TRIM3: variants seen among roughly 807,000 people sequenced by gnomAD.
TRIM3 encodes the protein tripartite motif-containing protein 3.
In TRIM3, 13 loss-of-function variants were observed where a neutral mutation model predicts 66.6. The observed-to-expected ratio is 0.20, with a 90% CI of 0.13 to 0.31. The LOEUF (loss-of-function observed/expected upper bound fraction) is 0.31, where lower values mean the gene tolerates loss of function less well. TRIM3 is among the 10% of genes least tolerant of loss of function. The probability of loss-of-function intolerance (pLI) is 1.00; values close to 1 mark genes in which losing one functional copy is unlikely to be tolerated. For synonymous variants in TRIM3, 406 were observed against 411.7 expected (o/e 0.99, Z 0.17); for missense variants, 711 against 1,020.4 (o/e 0.70, Z 4.13).
intron 2 of TRIM3, among the ~76,000 whole-genome samples, chr11:6,460,594 T>G: frequency 6.6e-6 from 1 of 150,980 alleles, no homozygotes; most frequent in East Asian, 2.0e-4. Flanking sequence ...CATAGGAGAG[T>G]GAAGGATGGA....
chr11:6,459,944 TA>T (rs1260801707), intron 2 of TRIM3, among the ~76,000 whole-genome samples: 1 of 152,074 alleles, frequency 6.6e-6, no homozygotes, highest in Non-Finnish European at 1.5e-5. Flanking sequence ...GAATGAAGGT[TA>T]GAGACAAGAG....
intron 7 of TRIM3, among the ~76,000 whole-genome samples, chr11:6,454,901 A>G (rs368527287): frequency 6.6e-6 from 1 of 152,174 alleles, no homozygotes; most frequent in African/African-American, 2.4e-5. Flanking sequence ...AGAAGTAAGG[A>G]TCTTCAGCGA....
chr11:6,454,921 C>A (rs1277665571), intron 7 of TRIM3, among the ~76,000 whole-genome samples: 1 of 152,090 alleles, frequency 6.6e-6, no homozygotes, highest in East Asian at 1.9e-4. Flanking sequence ...AAAAGTTTTG[C>A]TACCCAGTAA....
chr11:6,466,921 TTTA>T (rs1273377446), intron 1 of TRIM3, among the ~76,000 whole-genome samples: 1 of 152,166 alleles, frequency 6.6e-6, no homozygotes, highest in African/African-American at 2.4e-5. Context: ...GGATAGGCAT[TTTA>T]TTTATTTATT....
chr11:6,448,620 G>A lies in TRIM3; in HGVS notation c.*408C>T, dbSNP rs1849593992. 1 of 366,242 alleles carries A rather than the reference G, an allele frequency of 2.7e-6. No individual in the cohort carries two copies. The highest frequency in any genetic ancestry group is 5.0e-6 in the Non-Finnish European group (1 of 199,894). 22.7% of individuals were successfully genotyped at this position (366,242 alleles called of 1,614,324 possible). On this transcript the variant is annotated 3_prime_UTR_variant, in exon 12 of 12. Coordinates refer to ENST00000345851, the MANE Select transcript of TRIM3 (RefSeq NM_033278.4). The stretch of plus-strand genomic sequence containing the variant: ...AAGAACCCAGCAAAAACATCTTGGT[G>A]AAGACATTTATTTAATATGGGGGGT...
rs1415893877 is a variant in TRIM3, at chr11:6,448,955, C to G, written c.*73G>C. The stretch of plus-strand genomic sequence containing the variant: ...TTCAGTGCTGCCAGGTCTGGCCCAC[C>G]TCCCAGCCAGACCCTCTTGTCCAAT... On this transcript the variant is annotated 3_prime_UTR_variant, in exon 12 of 12. Transcript: ENST00000345851. 1 of 1,581,898 alleles carries G rather than the reference C, an allele frequency of 6.3e-7. No homozygotes were observed. The highest frequency in any genetic ancestry group is 8.7e-7 in the Non-Finnish European group (1 of 1,155,044).
rs1849643817 is a variant in TRIM3, at chr11:6,449,734, T to G, written c.1942-288A>C. The G allele has an allele frequency of 5.6e-6, 2 of 358,828 alleles. No individual in the cohort carries two copies. Among genetic ancestry groups the G allele is most frequent in the Non-Finnish European group, 1.0e-5 (2 of 196,834 alleles). 22.2% of individuals were successfully genotyped at this position (358,828 alleles called of 1,614,324 possible). ...CCACCCAGCTGGCCATGAGTCACTC[T>G]TGACTCCAATTTCTTCTCTGTTTGA... On this transcript the variant is annotated intron_variant, in intron 10 of 11. Transcript: ENST00000345851. The surrounding 1 kb of genome is among the most constrained non-coding windows in gnomAD (Gnocchi z 5.3).
intron 2 of TRIM3, among the ~76,000 whole-genome samples, chr11:6,463,910 A>C (rs533738325): frequency 6.9e-4 from 105 of 152,262 alleles, no homozygotes; most frequent in African/African-American, 2.4e-3. Context: ...TTGATAAAGG[A>C]GAGTGGGCAG....
chr11:6,460,003 G>A (rs1401032343), intron 2 of TRIM3, among the ~76,000 whole-genome samples: 1 of 152,180 alleles, frequency 6.6e-6, no homozygotes, highest in Non-Finnish European at 1.5e-5. Context: ...ACTGGGAGAG[G>A]ATGAGATCAG....
chr11:6,457,710 C>T lies in TRIM3; in HGVS notation c.501G>A (p.Glu167=). 1 of 1,613,178 alleles carries T rather than the reference C, an allele frequency of 6.2e-7. No individual in the cohort carries two copies. The highest frequency in any genetic ancestry group is 1.7e-5 in the Admixed American group (1 of 59,984). The part of the protein sequence containing the change: ...QHKAALQRQL[E]AVRGRLPQLS... ...CCAGTGCCTACCGGCCACGCACAGC[C>T]TCGAGCTGGCGCTGCAGGGCCGCCT... Residue 167 remains glutamate (E), a synonymous_variant, in exon 4 of 12, where the codon GAG becomes GAA. Coordinates refer to ENST00000345851, the MANE Select transcript of TRIM3 (RefSeq NM_033278.4). The surrounding 1 kb of genome is among the most constrained non-coding windows in gnomAD (Gnocchi z 4.5).
At chr11:6,463,896 C>A (rs1211045975) in intron 2 of TRIM3, among the ~76,000 whole-genome samples, 1 of 152,136 alleles carries the variant, frequency 6.6e-6, no homozygotes, top group African/African-American at 2.4e-5. Context: ...GAGGCCATTT[C>A]CAGTTGATAA....
At chr11:6,468,389 G>C (rs1385274322) in intron 1 of TRIM3, among the ~76,000 whole-genome samples, 2 of 152,140 alleles carry the variant, frequency 1.3e-5, no homozygotes, top group Non-Finnish European at 2.9e-5. Context: ...ATTGATTTGG[G>C]ATCACTAGCA....
Position 6,448,923 on chromosome 11 carries a change from G to T in TRIM3, c.*105C>A. The T allele has an allele frequency of 6.9e-7, 1 of 1,457,052 alleles. No homozygotes were observed. Among genetic ancestry groups the T allele is most frequent in the Non-Finnish European group, 9.5e-7 (1 of 1,050,144 alleles). The allele number at this position is 1,457,052 out of a possible 1,614,324, so 90.3% of individuals were successfully genotyped here. On this transcript the variant is annotated 3_prime_UTR_variant, in exon 12 of 12. Transcript: ENST00000345851. ...GGCACCGGGTGCACCCATGCCCACA[G>T]CCCACATTCAGTGCTGCCAGGTCTG...
rs369751213 is a variant in TRIM3, at chr11:6,448,641, G to T, written c.*387C>A. On this transcript the variant is annotated 3_prime_UTR_variant, in exon 12 of 12. Transcript: ENST00000345851. Reference sequence around the variant, plus strand: ...TGGTGAAGACATTTATTTAATATGGGGGGTGGGGTATTGCTGTCTCTGTCA... The same window carrying T: ...TGGTGAAGACATTTATTTAATATGGTGGGTGGGGTATTGCTGTCTCTGTCA... The T allele has an allele frequency of 2.3e-6, 1 of 435,128 alleles. No individual in the cohort carries two copies. Among genetic ancestry groups the T allele is most frequent in the African/African-American group, 2.0e-5 (1 of 50,628 alleles). The allele number at this position is 435,128 out of a possible 1,614,324, so 27.0% of individuals were successfully genotyped here. A position where few individuals can be genotyped will look rare whatever the true frequency, so the allele number is the denominator to read the frequency against.
In TRIM3 at chr11:6,458,001, C is replaced by A; in HGVS notation, c.363+64G>T. 6.5e-7 allele frequency: 1 copy of A among 1,547,642 alleles called. No individual in the cohort carries two copies. The highest frequency in any genetic ancestry group is 8.7e-7 in the Non-Finnish European group (1 of 1,143,498). On this transcript the variant is annotated intron_variant, in intron 3 of 11. Transcript: ENST00000345851. The surrounding 1 kb of genome is among the most constrained non-coding windows in gnomAD (Gnocchi z 6.2). ...CCTGTCACCCAGCCACTCGGCACCC[C>A]CCAATGCCTCTCCTCCTCCTCCCAC... is the stretch of plus-strand genomic sequence containing the variant.
chr11:6,450,828 G>A lies in TRIM3; in HGVS notation c.1870+64C>T. On this transcript the variant is annotated intron_variant, in intron 9 of 11. Transcript: ENST00000345851. The surrounding 1 kb of genome is among the most constrained non-coding windows in gnomAD (Gnocchi z 4.8). ...AGGAGGAGAGGGCCTTTACAGCTGGGGTATCTAGGGGAGTTCTCTGGAACA... is the reference window on the plus strand; with the variant it reads ...AGGAGGAGAGGGCCTTTACAGCTGGAGTATCTAGGGGAGTTCTCTGGAACA... 1 of 1,590,808 alleles carries A rather than the reference G, an allele frequency of 6.3e-7. No homozygotes were observed. The highest frequency in any genetic ancestry group is 1.7e-5 in the Admixed American group (1 of 59,222).
intron 2 of TRIM3, among the ~76,000 whole-genome samples, chr11:6,459,934 G>A (rs1850151726): frequency 6.6e-6 from 1 of 152,216 alleles, no homozygotes; most frequent in South Asian, 2.1e-4. Flanking sequence ...GTAGACAGGA[G>A]AATGAAGGTT....
In TRIM3 at chr11:6,449,491, G is replaced by A. The variant is rs752774607; in HGVS notation, c.1942-45C>T. The A allele has an allele frequency of 1.3e-6, 2 of 1,588,114 alleles. No individual in the cohort carries two copies. The highest frequency in any genetic ancestry group is 3.4e-5 in the Admixed American group (2 of 58,614). On this transcript the variant is annotated intron_variant, in intron 10 of 11. Transcript: ENST00000345851. This position sits in a 1 kb window ranked among gnomAD's most constrained non-coding sequence, Gnocchi z 5.3. ...GGGACTGGGGACCTGGCCTCAGGCA[G>A]AGGGTAGGGCTTTGGAGGAGGATAG... is the stretch of plus-strand genomic sequence containing the variant.
At position 6,457,019 on chromosome 11, in the gene TRIM3, C is replaced by A. The variant is rs1137114; in HGVS notation, c.707G>T (p.Ser236Ile). 4 of 1,587,620 alleles carry A rather than the reference C, an allele frequency of 2.5e-6. No individual in the cohort carries two copies. The highest frequency in any genetic ancestry group is 1.1e-5 in the South Asian group (1 of 90,416). The stretch of plus-strand genomic sequence containing the variant: ...ACCCTGGCGCAGTGTGTCCAGCTGG[C>A]TTTGCAACACCTGATGAGGGGTAGG... ...ICGAKQKVLQSQLDTLRQGQE... is the reference protein window; with the variant it reads ...ICGAKQKVLQIQLDTLRQGQE... The change falls in exon 6 of 12, where the codon AGC becomes ATC. Residue 236 changes from serine to isoleucine, a missense_variant. Coordinates refer to ENST00000345851, the MANE Select transcript of TRIM3 (RefSeq NM_033278.4). This position sits in a 1 kb window ranked among gnomAD's most constrained non-coding sequence, Gnocchi z 4.5.
Sources: allele counts gnomAD v4.1 joint callset (sites outside exome capture counted in the v4.1 genomes callset), GRCh38; gene constraint gnomAD v4.1.1; non-coding constraint Gnocchi (gnomAD v3.1); transcripts MANE v1.5; gene names NCBI Gene and HGNC (gene_info 2026-07-23, HGNC 2026-07-21).